Variants in FAM135A observed in about 807,000 individuals in gnomAD.
The protein encoded by FAM135A is protein FAM135A.
FAM135A carries 79 observed loss-of-function variants against 146.8 expected under a neutral mutation model. The ratio of observed to expected loss-of-function variants is 0.54; its 90% CI spans 0.45 to 0.65. FAM135A has a LOEUF of 0.65. FAM135A is among the 30% of genes least tolerant of loss of function. The pLI is 0.00. For missense variants in FAM135A, 1,623 were observed against 1,758.2 expected, an observed-to-expected ratio of 0.92 and a Z score of 1.38; for synonymous variants, 562 against 603.6, an observed-to-expected ratio of 0.93 and a Z score of 1.01.
intron 4 of FAM135A, among the ~76,000 whole-genome samples, chr6:70,448,901 G>A (rs922266797): frequency 1.3e-5 from 2 of 152,176 alleles, no homozygotes; most frequent in African/African-American, 4.8e-5. Context: ...CCCTGGGTGG[G>A]CCAGGTGTTT....
At chr6:70,448,794 G>A (rs1430420524) in intron 4 of FAM135A, among the ~76,000 whole-genome samples, 1 of 152,376 alleles carries the variant, frequency 6.6e-6, no homozygotes, top group East Asian at 1.9e-4. Flanking sequence ...ATAAATGGAT[G>A]GGTTTGGCTA....
rs1042473726 is a variant in FAM135A at position 70,481,039 on chromosome 6, A to G, written c.669+12A>G. 6.4e-7 allele frequency: 1 copy of G among 1,569,152 alleles called. No individual in the cohort carries two copies. The highest frequency in any genetic ancestry group is 8.6e-7 in the Non-Finnish European group (1 of 1,160,654). On this transcript the variant is annotated intron_variant, in intron 9 of 21. Coordinates refer to ENST00000418814, the MANE Select transcript of FAM135A (RefSeq NM_001162529.3). ...AGTTATCACCAGATGTAAGAACTGA[A>G]TATGTTTATAAATCTTCTCCTTATT...
chr6:70,418,312 T>A (rs1167116433), intron 2 of FAM135A: 5 of 152,200 alleles, frequency 3.3e-5, no homozygotes, highest in African/African-American at 1.2e-4. Context: ...TTGGTCATTT[T>A]ATTTAATTTA....
chr6:70,516,520 A>ATTTTC (rs1792252840), intron 12 of FAM135A, among the ~76,000 whole-genome samples: 3 of 122,082 alleles, frequency 2.5e-5, no homozygotes, highest in African/African-American at 6.0e-5. Context: ...ATAAAATAGT[A>ATTTTC]TTTTCTTTTC....
At position 70,526,699 on chromosome 6, in the gene FAM135A, G is replaced by C; in HGVS notation, c.3614+1G>C. ...GTTCACCAAAACCTCAAATACAAGCGTAAGTAATGGAACGTAATAGTACCT... is the reference window on the plus strand; with the variant it reads ...GTTCACCAAAACCTCAAATACAAGCCTAAGTAATGGAACGTAATAGTACCT... On this transcript the variant is annotated splice_donor_variant, in intron 15 of 21. Transcript: ENST00000418814. LOFTEE classifies it high-confidence loss of function. 1.3e-6 allele frequency: 2 copies of C among 1,587,110 alleles called. No individual in the cohort carries two copies. Among genetic ancestry groups the C allele is most frequent in the Non-Finnish European group, 1.7e-6 (2 of 1,168,684 alleles).
intron 18 of FAM135A, among the ~76,000 whole-genome samples, chr6:70,535,482 T>C (rs530742506): frequency 6.4e-4 from 97 of 152,202 alleles, no homozygotes; most frequent in African/African-American, 2.2e-3. Context: ...AGATCATCGG[T>C]GAGCATTAGA....
intron 12 of FAM135A, among the ~76,000 whole-genome samples, chr6:70,514,380 C>T (rs1192170495): frequency 6.6e-6 from 1 of 152,100 alleles, no homozygotes; most frequent in Non-Finnish European, 1.5e-5. Flanking sequence ...GAAGCCCTGT[C>T]TGTTTACTGT....
chr6:70,463,559 C>A (rs1307140984), intron 5 of FAM135A, among the ~76,000 whole-genome samples: 1 of 152,016 alleles, frequency 6.6e-6, no homozygotes, highest in East Asian at 1.9e-4. Flanking sequence ...CACTCCTGGC[C>A]CATAGCATTT....
intron 11 of FAM135A, among the ~76,000 whole-genome samples, chr6:70,499,359 T>C (rs538363629): frequency 2.2e-4 from 34 of 152,318 alleles, no homozygotes; most frequent in Admixed American, 1.6e-3. Flanking sequence ...TCCCTTTATT[T>C]TGAGCCTATA....
At chr6:70,438,693 G>A (rs950005671) in intron 4 of FAM135A, among the ~76,000 whole-genome samples, 2 of 152,148 alleles carry the variant, frequency 1.3e-5, no homozygotes, top group Non-Finnish European at 1.5e-5. Flanking sequence ...GGGAAAAGAC[G>A]AAAGTTCTCG....
At chr6:70,487,736 AT>A (rs1346939201) in intron 10 of FAM135A, among the ~76,000 whole-genome samples, 1 of 152,144 alleles carries the variant, frequency 6.6e-6, no homozygotes, top group Non-Finnish European at 1.5e-5. Context: ...ACATTTTAGC[AT>A]TTTTTAGCAA....
At chr6:70,499,784 G>T (rs971546027) in intron 11 of FAM135A, among the ~76,000 whole-genome samples, 1 of 152,050 alleles carries the variant, frequency 6.6e-6, no homozygotes, top group Non-Finnish European at 1.5e-5. Flanking sequence ...CTTTTCTTTT[G>T]AGAATGTTGA....
At chr6:70,459,009 A>G (rs907714509) in intron 5 of FAM135A, among the ~76,000 whole-genome samples, 1 of 152,178 alleles carries the variant, frequency 6.6e-6, no homozygotes. Context: ...ACTTTTAATA[A>G]ATAAATATAT....
rs60713372 is a variant in FAM135A at position 70,496,772 on chromosome 6, A to AT, written c.873+5702dup. ...TTATTAAATAGGGAATCCTTTCCCCATTTTTTTTTTTTTGGTCAGATTTGT... is the reference window on the plus strand; with the variant it reads ...TTATTAAATAGGGAATCCTTTCCCCATTTTTTTTTTTTTTGGTCAGATTTGT... On this transcript the variant is annotated intron_variant, in intron 11 of 21. Transcript: ENST00000418814. 7.0e-3 allele frequency among the ~76,000 whole-genome samples: 997 copies of AT among 143,194 alleles called. 4 individuals carry two copies. The highest frequency in any genetic ancestry group is 0.014 in the Middle Eastern group (4 of 278). The allele number at this position is 143,194 out of a possible 152,430, so 93.9% of individuals were successfully genotyped here.
intron 5 of FAM135A, among the ~76,000 whole-genome samples, chr6:70,466,262 G>A (rs1780461546): frequency 6.6e-6 from 1 of 152,048 alleles, no homozygotes; most frequent in Non-Finnish European, 1.5e-5. Context: ...TTAAGAAATA[G>A]AACATTACTA....
At chr6:70,445,055 CAT>C (rs1196200453) in intron 4 of FAM135A, among the ~76,000 whole-genome samples, 2 of 152,106 alleles carry the variant, frequency 1.3e-5, no homozygotes, top group African/African-American at 4.8e-5. Flanking sequence ...TAACTAAAGA[CAT>C]ATTGTTTCAT....
chr6:70,436,618 A>T (rs978532287), intron 4 of FAM135A, among the ~76,000 whole-genome samples: 1 of 152,106 alleles, frequency 6.6e-6, no homozygotes, highest in South Asian at 2.1e-4. Flanking sequence ...GGCGATATGA[A>T]AAAAAAACAG....
At chr6:70,495,038 C>T (rs2128228430) in intron 11 of FAM135A, among the ~76,000 whole-genome samples, 1 of 152,136 alleles carries the variant, frequency 6.6e-6, no homozygotes, top group African/African-American at 2.4e-5. Flanking sequence ...TTTTAAAGTC[C>T]ATATTCTTAA....
intron 19 of FAM135A, among the ~76,000 whole-genome samples, chr6:70,537,627 G>T (rs1797026069): frequency 1.3e-5 from 2 of 152,074 alleles, no homozygotes; most frequent in African/African-American, 4.8e-5. Context: ...TTAAAGGATT[G>T]TTTTCCTTTA....
Sources: gnomAD v4.1 joint callset for allele counts (sites outside exome capture counted in the v4.1 genomes callset) on GRCh38, gnomAD v4.1.1 for gene constraint, MANE v1.5 for transcripts, NCBI Gene and HGNC (gene_info 2026-07-23, HGNC 2026-07-21) for gene names.